The following FBXL13 variants were observed in gnomAD, a reference collection of about 807,000 sequenced individuals.
The protein encoded by FBXL13 is F-box and leucine rich repeat protein 13.
A neutral mutation model predicts 83.6 loss-of-function variants in FBXL13; 67 were observed. The observed-to-expected ratio is 0.80, with a 90% CI of 0.66 to 0.98. The LOEUF is 0.98. FBXL13 is among the 50% of genes least tolerant of loss of function. FBXL13 has a pLI of 0.00. For missense variants in FBXL13, 822 were observed against 866.5 expected, an observed-to-expected ratio of 0.95 and a Z score of 0.64; for synonymous variants, 272 against 299.5, an observed-to-expected ratio of 0.91 and a Z score of 0.95.
At chr7:102,925,786 A>C (rs2129471898) in intron 10 of FBXL13, among the ~76,000 whole-genome samples, 1 of 152,184 alleles carries the variant, frequency 6.6e-6, no homozygotes, top group East Asian at 1.9e-4. Context: ...TACTAAAAAT[A>C]CAAAAATAGC....
At chr7:102,979,608 A>T (rs1205731863) in intron 6 of FBXL13, among the ~76,000 whole-genome samples, 1 of 152,216 alleles carries the variant, frequency 6.6e-6, no homozygotes, top group Non-Finnish European at 1.5e-5. Context: ...AATACCTCTG[A>T]GGGAGAAAAG....
chr7:103,016,646 C>T (rs12216644), intron 6 of FBXL13, among the ~76,000 whole-genome samples: 4,403 of 152,242 alleles, frequency 0.029, 98 homozygotes, highest in Admixed American at 0.052. Context: ...GCTTTTCCAA[C>T]GGTCTTAGTA....
At chr7:102,818,444 A>C (rs1464352430) in intron 19 of FBXL13, among the ~76,000 whole-genome samples, 1 of 152,262 alleles carries the variant, frequency 6.6e-6, no homozygotes, top group African/African-American at 2.4e-5. Context: ...GATTTAGCAC[A>C]GTACGTGGCA....
At chr7:102,906,026 C>T (rs1481024917) in intron 11 of FBXL13, among the ~76,000 whole-genome samples, 5 of 152,004 alleles carry the variant, frequency 3.3e-5, no homozygotes, top group Non-Finnish European at 7.4e-5. Flanking sequence ...AGAATCATGG[C>T]GGGAGGCAAA....
chr7:102,907,441 G>A (rs1385192712), intron 11 of FBXL13, among the ~76,000 whole-genome samples: 1 of 151,828 alleles, frequency 6.6e-6, no homozygotes, highest in Non-Finnish European at 1.5e-5. Context: ...TTTACATTAG[G>A]TATATCTCCT....
chr7:102,888,383 A>G (rs1811076954), intron 11 of FBXL13, among the ~76,000 whole-genome samples: 1 of 152,126 alleles, frequency 6.6e-6, no homozygotes, highest in Non-Finnish European at 1.5e-5. Context: ...CTAAAAATAC[A>G]AAAAAATTAG....
chr7:103,018,204 AT>A (rs1273101390), intron 6 of FBXL13, among the ~76,000 whole-genome samples: 3 of 152,208 alleles, frequency 2.0e-5, no homozygotes, highest in African/African-American at 7.2e-5. Context: ...TCAACCCAGA[AT>A]TTCATATCCA....
At chr7:103,024,837 A>G (rs1419356648) in intron 6 of FBXL13, among the ~76,000 whole-genome samples, 5 of 101,992 alleles carry the variant, frequency 4.9e-5, no homozygotes, top group South Asian at 7.2e-4. Context: ...ATATGTGTAT[A>G]TATATATATA....
chr7:103,010,085 G>A (rs1280358329), intron 6 of FBXL13, among the ~76,000 whole-genome samples: 3 of 151,032 alleles, frequency 2.0e-5, no homozygotes, highest in Non-Finnish European at 4.4e-5. Flanking sequence ...ACTGGTAACC[G>A]GGTGCCAGAG....
intron 6 of FBXL13, among the ~76,000 whole-genome samples, chr7:102,970,171 A>G (rs1826467207): frequency 6.6e-6 from 1 of 151,976 alleles, no homozygotes. Context: ...GAATTGTTTG[A>G]GCCTGGGAGG....
chr7:102,834,890 G>A (rs1801602686), intron 17 of FBXL13, among the ~76,000 whole-genome samples: 1 of 148,204 alleles, frequency 6.7e-6, no homozygotes, highest in Admixed American at 6.7e-5. Context: ...GTGTGTGTGT[G>A]TGTGTGTGTG....
At chr7:103,048,245 A>G (rs1002711008) in intron 2 of FBXL13, among the ~76,000 whole-genome samples, 3 of 152,034 alleles carry the variant, frequency 2.0e-5, no homozygotes, top group Non-Finnish European at 4.4e-5. Flanking sequence ...AAGTTTTAAA[A>G]CACTTGATAT....
chr7:103,046,233 A>C (rs1178750627), intron 2 of FBXL13, among the ~76,000 whole-genome samples: 1 of 152,240 alleles, frequency 6.6e-6, no homozygotes, highest in Non-Finnish European at 1.5e-5. Flanking sequence ...CACAAGTGTC[A>C]GAAGCTGCAC....
chr7:102,889,286 T>TTGAA (rs1195011581), intron 11 of FBXL13, among the ~76,000 whole-genome samples: 2 of 152,292 alleles, frequency 1.3e-5, no homozygotes, highest in East Asian at 1.9e-4. Context: ...TCCAGAAATG[T>TTGAA]TGAATGAATG....
At chr7:102,982,531 C>A (rs2129483565) in intron 6 of FBXL13, among the ~76,000 whole-genome samples, 1 of 152,264 alleles carries the variant, frequency 6.6e-6, no homozygotes, top group South Asian at 2.1e-4. Flanking sequence ...TTCTGTCAAA[C>A]CAGCTACTTC....
At chr7:103,014,796 G>A (rs1018227467) in intron 6 of FBXL13, among the ~76,000 whole-genome samples, 4 of 151,260 alleles carry the variant, frequency 2.6e-5, no homozygotes, top group East Asian at 1.9e-4. Context: ...GGTAGCGGGC[G>A]CCTGTAGTCC....
chr7:102,824,593 C>A (rs1218765848), intron 18 of FBXL13, among the ~76,000 whole-genome samples: 1 of 152,056 alleles, frequency 6.6e-6, no homozygotes, highest in Non-Finnish European at 1.5e-5. Context: ...TCAAACAATT[C>A]TCCCACCTCA....
At chr7:102,822,571 C>T (rs565529189) in intron 18 of FBXL13, 1 of 411,524 alleles carries the variant, frequency 2.4e-6, no homozygotes, top group East Asian at 6.8e-5. Context: ...CTTTCTATTA[C>T]TGTCACAGTG....
intron 5 of FBXL13, among the ~76,000 whole-genome samples, chr7:103,025,870 TCTG>T (rs72304629): frequency 0.012 from 1,791 of 152,038 alleles, 35 homozygotes; most frequent in African/African-American, 0.041. Flanking sequence ...GTTCCCTGCC[TCTG>T]CTCCCAGCAT....
Sources: gnomAD v4.1 joint callset for allele counts (sites outside exome capture counted in the v4.1 genomes callset) on GRCh38, gnomAD v4.1.1 for gene constraint, MANE v1.5 for transcripts, NCBI Gene and HGNC (gene_info 2026-07-23, HGNC 2026-07-21) for gene names.